ADGRV1: variants seen among roughly 807,000 people sequenced by gnomAD.
The protein encoded by ADGRV1 is G-protein coupled receptor 98.
ADGRV1 carries 359 observed loss-of-function variants against 596.2 expected under a neutral mutation model. That is an observed-to-expected ratio of 0.60 (90% CI 0.55 to 0.66). The LOEUF (loss-of-function observed/expected upper bound fraction) is 0.66. Ranked by LOEUF, ADGRV1 falls within the 30% of genes least tolerant of loss-of-function variation. The pLI is 0.00. For synonymous variants in ADGRV1, 2,681 were observed against 2,679.2 expected, an observed-to-expected ratio of 1.00 and a Z score of -0.02; for missense variants, 7,274 against 7,575.6, an observed-to-expected ratio of 0.96 and a Z score of 1.48.
intron 85 of ADGRV1, among the ~76,000 whole-genome samples, chr5:91,069,320 C>A (rs1788169747): frequency 6.6e-6 from 1 of 152,042 alleles, no homozygotes; most frequent in Admixed American, 6.6e-5. Flanking sequence ...AGTAAACAGA[C>A]AACTTTCAAA....
chr5:90,884,286 G>A (rs1014308570), intron 83 of ADGRV1, among the ~76,000 whole-genome samples: 5 of 152,034 alleles, frequency 3.3e-5, no homozygotes, highest in Admixed American at 6.6e-5. Context: ...ATTACCAAAC[G>A]TCCCCTGGAA....
intron 84 of ADGRV1, among the ~76,000 whole-genome samples, chr5:90,982,388 C>G (rs188522534): frequency 3.3e-5 from 5 of 152,192 alleles, no homozygotes; most frequent in Admixed American, 3.3e-4. Context: ...CCACCATCTT[C>G]TTTTGGTTTT....
chr5:91,041,226 T>G (rs1257768798), intron 85 of ADGRV1, among the ~76,000 whole-genome samples: 1 of 152,132 alleles, frequency 6.6e-6, no homozygotes, highest in Non-Finnish European at 1.5e-5. Flanking sequence ...AGCAAAGACT[T>G]GGAACCAACC....
At chr5:91,031,646 A>T (rs1784491350) in intron 85 of ADGRV1, among the ~76,000 whole-genome samples, 1 of 152,242 alleles carries the variant, frequency 6.6e-6, no homozygotes, top group Admixed American at 6.5e-5. Flanking sequence ...ATGTTAGCAT[A>T]AGATGAGTCA....
chr5:91,063,942 C>T (rs1787666969), intron 85 of ADGRV1, among the ~76,000 whole-genome samples: 1 of 152,084 alleles, frequency 6.6e-6, no homozygotes, highest in African/African-American at 2.4e-5. Context: ...AAGTGCTGTG[C>T]ATTTATTGTA....
At chr5:90,805,198 A>G in intron 71 of ADGRV1, 86 bp from the exon 72 acceptor site, 1 of 1,113,086 alleles carries the variant, frequency 9.0e-7, no homozygotes. Context: ...TGTATAAACC[A>G]AGGGAAAGTT....
chr5:91,145,117 C>G (rs149365754), intron 87 of ADGRV1, among the ~76,000 whole-genome samples: 14 of 152,288 alleles, frequency 9.2e-5, no homozygotes, highest in Middle Eastern at 3.4e-3. Context: ...ACATTCTTTT[C>G]TTTCCATTTT....
At chr5:90,633,013 G>T (rs1765693068) in intron 9 of ADGRV1, among the ~76,000 whole-genome samples, 1 of 152,160 alleles carries the variant, frequency 6.6e-6, no homozygotes, top group African/African-American at 2.4e-5. Context: ...ACTAAAGAAA[G>T]CAGAATTCTT....
rs577069960 is a variant in ADGRV1, at chr5:90,672,810, T to C, written c.4929+88T>C. ...TCTGTAATTTCTTTGCAGCTTTTGA[T>C]TGAAGTGTCGCTTCCCATTATTATT... On this transcript the variant is annotated intron_variant, in intron 22 of 89. Transcript: ENST00000405460. 8.4e-6 allele frequency: 8 copies of C among 947,222 alleles called. No homozygotes were observed. The African/African-American group carries it at 1.3e-4, about 16-fold the overall frequency. The allele number at this position is 947,222 out of a possible 1,614,324, so 58.7% of individuals were successfully genotyped here. A position where few individuals can be genotyped will look rare whatever the true frequency, so the allele number is the denominator to read the frequency against.
At chr5:90,648,322 G>GT (rs1376070419) in intron 17 of ADGRV1, among the ~76,000 whole-genome samples, 1 of 152,170 alleles carries the variant, frequency 6.6e-6, no homozygotes, top group African/African-American at 2.4e-5. Flanking sequence ...ATTTGAGAAT[G>GT]TTTTGGCTCT....
chr5:90,820,509 C>G (rs1393545155), intron 75 of ADGRV1, among the ~76,000 whole-genome samples: 7 of 151,940 alleles, frequency 4.6e-5, no homozygotes, highest in Non-Finnish European at 1.0e-4. Context: ...TCTTCTTAGT[C>G]TCGATGGTCT....
rs1187733153 is a variant in ADGRV1, at chr5:90,928,587, G to A, written c.17857-36828G>A. On this transcript the variant is annotated intron_variant, in intron 83 of 89. Coordinates refer to ENST00000405460, the MANE Select transcript of ADGRV1 (RefSeq NM_032119.4). The stretch of plus-strand genomic sequence containing the variant: ...TTGCCTTTGGTTTGAATGTCCTCCC[G>A]TAGCTCAGAGTAATTTGATCGTCTG... Among the ~76,000 whole-genome samples, 40 of 148,576 alleles carry A rather than the reference G, an allele frequency of 2.7e-4. No homozygotes were observed. In the East Asian group the frequency reaches 4.2e-3, roughly 15 times the overall value.
chr5:90,797,287 C>CAAAAAAA (rs780696194), intron 70 of ADGRV1, among the ~76,000 whole-genome samples: 86 of 26,344 alleles, frequency 3.3e-3, no homozygotes, highest in East Asian at 8.1e-3. Context: ...AAATGAAAAG[C>CAAAAAAA]AAAAAAAAAA....
intron 72 of ADGRV1, among the ~76,000 whole-genome samples, chr5:90,806,913 C>T (rs1306871931): frequency 4.6e-5 from 7 of 151,608 alleles, no homozygotes; most frequent in East Asian, 1.9e-4. Flanking sequence ...AATGCAGTGG[C>T]GCCATCTCAA....
chr5:90,934,611 C>T (rs1426609660), intron 83 of ADGRV1, among the ~76,000 whole-genome samples: 1 of 152,136 alleles, frequency 6.6e-6, no homozygotes, highest in African/African-American at 2.4e-5. Flanking sequence ...AATTGTTGTT[C>T]CAGACTTTCA....
chr5:90,734,853 C>T (rs893949831), intron 50 of ADGRV1, among the ~76,000 whole-genome samples: 2 of 152,100 alleles, frequency 1.3e-5, no homozygotes, highest in East Asian at 1.9e-4. Flanking sequence ...CCCCTGGGCC[C>T]GGCCTAGCCT....
chr5:90,672,209 A>G (rs901713508), intron 21 of ADGRV1, among the ~76,000 whole-genome samples: 3 of 152,250 alleles, frequency 2.0e-5, no homozygotes, highest in Non-Finnish European at 4.4e-5. Context: ...TATCCAGAGA[A>G]AGGACTATGC....
chr5:90,752,729 A>G (rs562468063), intron 53 of ADGRV1, among the ~76,000 whole-genome samples: 10 of 152,352 alleles, frequency 6.6e-5, no homozygotes, highest in East Asian at 5.8e-4. Flanking sequence ...AAATCATTCT[A>G]TGATAAATAC....
At chr5:90,646,735 C>T (rs1260457619) in intron 16 of ADGRV1, among the ~76,000 whole-genome samples, 1 of 150,360 alleles carries the variant, frequency 6.7e-6, no homozygotes, top group Non-Finnish European at 1.5e-5. Context: ...ATCTTGTAAG[C>T]CTTTTGTATT....
Sources: gnomAD v4.1 joint callset for allele counts (sites outside exome capture counted in the v4.1 genomes callset) on GRCh38, gnomAD v4.1.1 for gene constraint, MANE v1.5 for transcripts, NCBI Gene and HGNC (gene_info 2026-07-23, HGNC 2026-07-21) for gene names.